The following RARB variants were observed in gnomAD, a reference collection of about 807,000 sequenced individuals.
RARB encodes the protein HBV-activated protein.
A neutral mutation model predicts 51.9 loss-of-function variants in RARB; 17 were observed. That is an observed-to-expected ratio of 0.33 (90% CI 0.22 to 0.49). The LOEUF is 0.49. RARB is among the 20% of genes least tolerant of loss of function. The pLI is 0.99. For missense variants in RARB, 369 were observed against 550.8 expected (o/e 0.67, Z 3.30); for synonymous variants, 215 against 195.4 (o/e 1.10, Z -0.84).
At chr3:25,254,980 C>A (rs759433818) in intron 5 of RARB, among the ~76,000 whole-genome samples, 2 of 152,154 alleles carry the variant, frequency 1.3e-5, no homozygotes, top group Non-Finnish European at 2.9e-5. Context: ...CAGTACCTGA[C>A]ACCTACGACA....
chr3:25,031,040 C>T (rs1603997), intron 2 of RARB, among the ~76,000 whole-genome samples: 107,003 of 152,030 alleles, frequency 0.7, 38,418 homozygotes, highest in East Asian at 0.93. Context: ...TAATTTAGCA[C>T]TACTGACATT....
intron 3 of RARB, among the ~76,000 whole-genome samples, chr3:25,099,114 G>T (rs973574829): frequency 3.9e-5 from 6 of 152,180 alleles, no homozygotes; most frequent in African/African-American, 1.4e-4. Context: ...TGATTAAGTA[G>T]TTATGAGTGA....
intron 5 of RARB, among the ~76,000 whole-genome samples, chr3:25,377,539 C>T (rs1189762690): frequency 6.6e-6 from 1 of 152,060 alleles, no homozygotes; most frequent in Non-Finnish European, 1.5e-5. Flanking sequence ...TAAAAATTAC[C>T]AACCAGAGTT....
intron 1 of RARB, among the ~76,000 whole-genome samples, chr3:24,848,422 T>A (rs573239899): frequency 1.5e-3 from 236 of 152,342 alleles, no homozygotes; most frequent in African/African-American, 5.4e-3. Context: ...ACTGTTTTTT[T>A]AAATACAAAG....
chr3:25,161,074 C>T (rs998135664), intron 4 of RARB, among the ~76,000 whole-genome samples: 3 of 151,866 alleles, frequency 2.0e-5, no homozygotes, highest in East Asian at 3.9e-4. Flanking sequence ...GTGCAGTGGC[C>T]CAATCTCGGC....
chr3:25,510,776 TAAAG>T (rs1697852691), intron 3 of RARB, among the ~76,000 whole-genome samples: 1 of 152,270 alleles, frequency 6.6e-6, no homozygotes, highest in Admixed American at 6.5e-5. Context: ...CATTTAATGA[TAAAG>T]ATTTTCCTTT....
chr3:24,935,526 C>T (rs1333788767), intron 2 of RARB, among the ~76,000 whole-genome samples: 1 of 152,116 alleles, frequency 6.6e-6, no homozygotes, highest in African/African-American at 2.4e-5. Context: ...CAGAAGTGGG[C>T]TTAATTTTAA....
chr3:24,961,277 C>T (rs375474262), intron 2 of RARB, among the ~76,000 whole-genome samples: 10 of 152,216 alleles, frequency 6.6e-5, no homozygotes, highest in South Asian at 6.2e-4. Context: ...AATAGTTATA[C>T]GGTAGTTCTA....
chr3:25,108,429 C>A (rs1365367782), intron 3 of RARB, among the ~76,000 whole-genome samples: 1 of 152,144 alleles, frequency 6.6e-6, no homozygotes, highest in African/African-American at 2.4e-5. Flanking sequence ...TGGGTTTCCT[C>A]TATCACCTGG....
At chr3:25,444,603 G>T (rs1255654968) in intron 1 of RARB, among the ~76,000 whole-genome samples, 1 of 152,134 alleles carries the variant, frequency 6.6e-6, no homozygotes, top group African/African-American at 2.4e-5. Flanking sequence ...CCTTTAGTGG[G>T]TATCAAGTGA....
At chr3:25,392,004 T>C (rs1044730521) in intron 5 of RARB, among the ~76,000 whole-genome samples, 2 of 152,222 alleles carry the variant, frequency 1.3e-5, no homozygotes, top group Non-Finnish European at 2.9e-5. Context: ...TGTTATCTTC[T>C]AGAATTTTTA....
chr3:25,493,991 T>C (rs1296088324), intron 2 of RARB, among the ~76,000 whole-genome samples: 1 of 152,190 alleles, frequency 6.6e-6, no homozygotes, highest in Non-Finnish European at 1.5e-5. Context: ...CAAGGATTCT[T>C]GGGCTACATT....
At chr3:24,882,819 C>T (rs1016717483) in intron 2 of RARB, among the ~76,000 whole-genome samples, 8 of 152,190 alleles carry the variant, frequency 5.3e-5, no homozygotes, top group Non-Finnish European at 1.2e-4. Flanking sequence ...GCTTAACCAG[C>T]ATGGGAAATC....
At chr3:25,122,012 C>G (rs539368903) in intron 3 of RARB, among the ~76,000 whole-genome samples, 1 of 152,302 alleles carries the variant, frequency 6.6e-6, no homozygotes, top group African/African-American at 2.4e-5. Flanking sequence ...ATGTGACATT[C>G]TCTTATACTT....
chr3:25,266,437 T>C (rs1022250575), intron 5 of RARB, among the ~76,000 whole-genome samples: 17 of 152,182 alleles, frequency 1.1e-4, no homozygotes, highest in African/African-American at 3.1e-4. Flanking sequence ...TATTGGAGTT[T>C]TTTATATATT....
chr3:25,191,706 G>T (rs1701109007), intron 5 of RARB, among the ~76,000 whole-genome samples: 1 of 152,078 alleles, frequency 6.6e-6, no homozygotes, highest in South Asian at 2.1e-4. Context: ...GCAAGGATTT[G>T]AAATGGCACC....
intron 3 of RARB, among the ~76,000 whole-genome samples, chr3:25,073,239 C>G (rs1698806199): frequency 6.6e-6 from 1 of 152,212 alleles, no homozygotes; most frequent in Non-Finnish European, 1.5e-5. Flanking sequence ...AAGGAGGTAA[C>G]AAGACCAATG....
chr3:25,336,909 A>T (rs1383761745), intron 5 of RARB, among the ~76,000 whole-genome samples: 1 of 152,168 alleles, frequency 6.6e-6, no homozygotes, highest in Non-Finnish European at 1.5e-5. Context: ...TCCTACTCTG[A>T]GGCTTAAGGG....
At chr3:25,212,170 A>G (rs1449830360) in intron 5 of RARB, among the ~76,000 whole-genome samples, 1 of 152,230 alleles carries the variant, frequency 6.6e-6, no homozygotes, top group Non-Finnish European at 1.5e-5. Flanking sequence ...CCTAAACTCT[A>G]TTTTTATTTT....
Sources: gnomAD v4.1 joint callset for allele counts (sites outside exome capture counted in the v4.1 genomes callset) on GRCh38, gnomAD v4.1.1 for gene constraint, MANE v1.5 for transcripts, NCBI Gene and HGNC (gene_info 2026-07-23, HGNC 2026-07-21) for gene names.